Variants in SLC4A7 observed in about 807,000 individuals in gnomAD.
SLC4A7 encodes solute carrier family 4 member 7.
Under a neutral mutation model 137.6 loss-of-function variants are expected in SLC4A7, and 51 were observed. The observed-to-expected ratio is 0.37, with a 90% CI of 0.30 to 0.47. The LOEUF (loss-of-function observed/expected upper bound fraction) is 0.47. Among genes scored for constraint, SLC4A7 ranks in the 20% least tolerant of loss-of-function variants. The pLI is 1.00. For missense variants in SLC4A7, 1,247 were observed against 1,525.4 expected, an observed-to-expected ratio of 0.82 and a Z score of 3.04; for synonymous variants, 542 against 518.6, an observed-to-expected ratio of 1.05 and a Z score of -0.61.
chr3:27,424,922 G>T (rs1385476334), intron 7 of SLC4A7, among the ~76,000 whole-genome samples: 1 of 152,112 alleles, frequency 6.6e-6, no homozygotes, highest in African/African-American at 2.4e-5. Context: ...TACTTGTTTG[G>T]ATTTCAAAGG....
Position 27,386,005 on chromosome 3 carries a change from CA to C in SLC4A7, c.3378del (p.Phe1126LeufsTer69). 6.2e-7 allele frequency: 1 copy of C among 1,606,488 alleles called. No individual in the cohort carries two copies. Among genetic ancestry groups the C allele is most frequent in the Non-Finnish European group, 8.5e-7 (1 of 1,177,092 alleles). On this transcript the variant is annotated frameshift_variant, in exon 23 of 26. Transcript: ENST00000454389. LOFTEE classifies it high-confidence loss of function. ...AAACACAGGTCCATGAGTTTGCGCA[CA>C]AACACTAATGCAAGAACCTTTAAAA... ...VFPMMVLALV[F>X]VRKLMDLCFT...
intron 1 of SLC4A7, among the ~76,000 whole-genome samples, chr3:27,472,046 T>A (rs1219463443): frequency 6.6e-6 from 1 of 152,188 alleles, no homozygotes; most frequent in Non-Finnish European, 1.5e-5. Context: ...TCATCTGAAA[T>A]TCACTGCTAC....
At chr3:27,456,745 G>A (rs2058435392) in intron 1 of SLC4A7, 1 of 1,593,952 alleles carries the variant, frequency 6.3e-7, no homozygotes, top group Non-Finnish European at 8.5e-7. Flanking sequence ...AAGATTCCAG[G>A]GACAGTGAGC....
chr3:27,377,992 ATTT>A (rs1369164943), intron 25 of SLC4A7, among the ~76,000 whole-genome samples: 12 of 152,216 alleles, frequency 7.9e-5, no homozygotes, highest in Non-Finnish European at 1.8e-4. Flanking sequence ...TAAGGCCTTT[ATTT>A]TTTATGATAA....
intron 22 of SLC4A7, 102 bp from the exon 23 acceptor site, chr3:27,386,125 A>G (rs17630711): frequency 0.15 from 130,882 of 889,268 alleles, 11,274 homozygotes; most frequent in South Asian, 0.26. Context: ...AATGCTTCAT[A>G]TAGTTTAAAA....
intron 23 of SLC4A7, among the ~76,000 whole-genome samples, chr3:27,384,167 AAAAC>A (rs1317685846): frequency 6.6e-6 from 1 of 152,118 alleles, no homozygotes; most frequent in Non-Finnish European, 1.5e-5. Flanking sequence ...CTAGATCCTA[AAAAC>A]AAACAAACAA....
chr3:27,443,997 T>C (rs750422957), intron 3 of SLC4A7, among the ~76,000 whole-genome samples: 40 of 152,230 alleles, frequency 2.6e-4, no homozygotes, highest in Admixed American at 2.6e-3. Flanking sequence ...TGGACTAGAA[T>C]ATGATCTTGG....
At position 27,408,382 on chromosome 3, in the gene SLC4A7, C is replaced by T. The variant is rs189808856; in HGVS notation, c.1941+974G>A. Among the ~76,000 whole-genome samples the T allele has an allele frequency of 1.2e-4, 18 of 152,276 alleles. No individual in the cohort carries two copies. The South Asian group carries it at 2.9e-3, about 25-fold the overall frequency. ...GCACAATTTGTGACAGCACATAAAGCAACTTACTAAAAATATGGACCTTTG... is the reference window on the plus strand; with the variant it reads ...GCACAATTTGTGACAGCACATAAAGTAACTTACTAAAAATATGGACCTTTG... On this transcript the variant is annotated intron_variant, in intron 13 of 25. Coordinates refer to ENST00000454389, the MANE Select transcript of SLC4A7 (RefSeq NM_001321103.2).
intron 1 of SLC4A7, among the ~76,000 whole-genome samples, chr3:27,458,791 C>T (rs1456993493): frequency 1.3e-5 from 2 of 152,082 alleles, no homozygotes; most frequent in Admixed American, 1.3e-4. Flanking sequence ...AGGTTCAAGA[C>T]CAGCCTGGCC....
intron 8 of SLC4A7, chr3:27,422,724 C>G: frequency 2.2e-6 from 1 of 449,300 alleles, no homozygotes; most frequent in South Asian, 1.6e-5. Context: ...CAGTTTCACA[C>G]AAGTCACTAA....
At chr3:27,448,558 ATACAATT>A in intron 3 of SLC4A7, 86 bp downstream of exon 3, 1 of 1,078,668 alleles carries the variant, frequency 9.3e-7, no homozygotes. Context: ...TAATGCATAC[ATACAATT>A]TTTAAAAGAA....
intron 8 of SLC4A7, chr3:27,422,840 C>T: frequency 4.4e-6 from 2 of 455,792 alleles, no homozygotes; most frequent in South Asian, 3.1e-5. Flanking sequence ...GAGGCAGACT[C>T]CTGCCCAACA....
chr3:27,395,310 T>A (rs901313577), intron 18 of SLC4A7, among the ~76,000 whole-genome samples, 195 bp from the exon 19 acceptor site: 2 of 152,204 alleles, frequency 1.3e-5, no homozygotes, highest in African/African-American at 2.4e-5. Flanking sequence ...CTCCTGTCAT[T>A]TGACTCAGTC....
At chr3:27,388,818 T>A (rs982122473) in intron 22 of SLC4A7, among the ~76,000 whole-genome samples, 19 of 147,004 alleles carry the variant, frequency 1.3e-4, no homozygotes, top group Non-Finnish European at 2.3e-4. Flanking sequence ...AATTATTTTT[T>A]AAATTTCATC....
At chr3:27,408,855 T>G (rs2053636305) in intron 13 of SLC4A7, among the ~76,000 whole-genome samples, 2 of 152,204 alleles carry the variant, frequency 1.3e-5, no homozygotes, top group Admixed American at 6.5e-5. Context: ...AACAGCAAAA[T>G]TAAATGCCAC....
intron 11 of SLC4A7, among the ~76,000 whole-genome samples, chr3:27,418,192 T>C (rs1354434839): frequency 6.6e-6 from 1 of 152,194 alleles, no homozygotes; most frequent in African/African-American, 2.4e-5. Flanking sequence ...ATCTCCTAGA[T>C]ACAACTTTTA....
chr3:27,420,897 C>CGTCT, intron 9 of SLC4A7, 110 bp from the exon 10 acceptor site: 1 of 685,900 alleles, frequency 1.5e-6, no homozygotes, highest in Non-Finnish European at 2.4e-6. Context: ...AACACTCAGA[C>CGTCT]ATCTTTTCTA....
intron 3 of SLC4A7, among the ~76,000 whole-genome samples, chr3:27,445,286 G>A: frequency 6.6e-6 from 1 of 152,016 alleles, no homozygotes; most frequent in East Asian, 1.9e-4. Context: ...CCACTCTCTT[G>A]AACTCTACAC....
intron 1 of SLC4A7, among the ~76,000 whole-genome samples, chr3:27,463,140 A>G (rs995997497): frequency 3.3e-5 from 5 of 152,194 alleles, no homozygotes; most frequent in African/African-American, 1.2e-4. Flanking sequence ...AAAATACAAA[A>G]GTTAGGGCCG....
Sources: allele counts gnomAD v4.1 joint callset (sites outside exome capture counted in the v4.1 genomes callset), GRCh38; gene constraint gnomAD v4.1.1; transcripts MANE v1.5; gene names NCBI Gene and HGNC (gene_info 2026-07-23, HGNC 2026-07-21).